DDX60: variants seen among roughly 807,000 people sequenced by gnomAD.
DDX60 encodes probable ATP-dependent RNA helicase DDX60.
A neutral mutation model predicts 212.8 loss-of-function variants in DDX60; 165 were observed. The ratio of observed to expected loss-of-function variants is 0.78; its 90% CI spans 0.68 to 0.88. The LOEUF (loss-of-function observed/expected upper bound fraction) is 0.88. Among genes scored for constraint, DDX60 ranks in the 40% least tolerant of loss-of-function variants. The pLI is 0.00. For missense variants in DDX60, 1,905 were observed against 2,003.9 expected, an observed-to-expected ratio of 0.95 and a Z score of 0.94; for synonymous variants, 703 against 685.3, an observed-to-expected ratio of 1.03 and a Z score of -0.40.
chr4:168,240,007 T>G (rs1165962697), intron 30 of DDX60, among the ~76,000 whole-genome samples: 1 of 152,162 alleles, frequency 6.6e-6, no homozygotes, highest in Non-Finnish European at 1.5e-5. Context: ...ATAAAGGATA[T>G]TCAAAGAGGA....
chr4:168,236,091 A>G, intron 33 of DDX60, 161 bp downstream of exon 33: 1 of 586,950 alleles, frequency 1.7e-6, no homozygotes, highest in Non-Finnish European at 2.7e-6. Context: ...GGAGACATCA[A>G]TTACAGATTA....
intron 19 of DDX60, among the ~76,000 whole-genome samples, chr4:168,271,240 A>G (rs1278867237): frequency 2.0e-5 from 3 of 152,152 alleles, no homozygotes; most frequent in Non-Finnish European, 4.4e-5. Context: ...TGCCCCAATA[A>G]ATCGCTACAA....
chr4:168,275,886 G>A lies in DDX60; in HGVS notation c.2145+129C>T. ...TATTACTTCAAGATTGGGCAGTTGG[G>A]TTACTACTAATAATAGTATTTTCAG... On this transcript the variant is annotated intron_variant, in intron 15 of 37. Transcript: ENST00000393743. 5.0e-6 allele frequency: 4 copies of A among 792,358 alleles called. No homozygotes were observed. In the East Asian group the frequency reaches 8.6e-5, roughly 17 times the overall value. The allele number at this position is 792,358 out of a possible 1,614,324, so 49.1% of individuals were successfully genotyped here. A position where few individuals can be genotyped will look rare whatever the true frequency, so the allele number is the denominator to read the frequency against.
chr4:168,255,992 A>G (rs17053881), intron 25 of DDX60, 123 bp from the exon 26 acceptor site: 28,505 of 979,800 alleles, frequency 0.029, 2,244 homozygotes, highest in African/African-American at 0.21. Context: ...ACCTTTATAA[A>G]TGTTACCCAG....
chr4:168,225,332 T>C (rs1378536427), intron 34 of DDX60, among the ~76,000 whole-genome samples, 197 bp downstream of exon 34: 1 of 152,074 alleles, frequency 6.6e-6, no homozygotes, highest in Non-Finnish European at 1.5e-5. Context: ...GGTTATAAAT[T>C]GCCCTACTTA....
chr4:168,314,073 G>T (rs769561550), intron 1 of DDX60, among the ~76,000 whole-genome samples: 3 of 152,096 alleles, frequency 2.0e-5, no homozygotes, highest in African/African-American at 4.8e-5. Context: ...ATAGGACAGG[G>T]TATGCAAGAC....
Position 168,311,291 on chromosome 4 carries a change from T to G in DDX60, c.-32A>C. 6.2e-7 allele frequency: 1 copy of G among 1,612,198 alleles called. No individual in the cohort carries two copies. The highest frequency in any genetic ancestry group is 1.1e-5 in the South Asian group (1 of 90,866). On this transcript the variant is annotated 5_prime_UTR_variant, in exon 2 of 38. Transcript: ENST00000393743. Reference sequence around the variant, plus strand: ...TGCTGCCTGTGCCTCCAACCTGAACTGGCAAGTATTAAAGGTAGCAAATAC... The same window carrying G: ...TGCTGCCTGTGCCTCCAACCTGAACGGGCAAGTATTAAAGGTAGCAAATAC...
chr4:168,241,537 G>T (rs978439132), intron 30 of DDX60, among the ~76,000 whole-genome samples: 1 of 152,142 alleles, frequency 6.6e-6, no homozygotes, highest in Non-Finnish European at 1.5e-5. Context: ...GGTGACTTTC[G>T]TTATGTTTTA....
Position 168,306,330 on chromosome 4 carries a change from G to C in DDX60, c.606+49C>G. ...AGAAAAAACTGAGTCAAGTAACTTA[G>C]AACATTTTGAAAATTTCTAGAAGAA... On this transcript the variant is annotated intron_variant, in intron 5 of 37. Coordinates refer to ENST00000393743, the MANE Select transcript of DDX60 (RefSeq NM_017631.6). 2.8e-6 allele frequency: 4 copies of C among 1,446,552 alleles called. No individual in the cohort carries two copies. In the South Asian group the frequency reaches 4.1e-5, roughly 15 times the overall value. The allele number at this position is 1,446,552 out of a possible 1,614,324, so 89.6% of individuals were successfully genotyped here. A position where few individuals can be genotyped will look rare whatever the true frequency, so the allele number is the denominator to read the frequency against.
chr4:168,231,338 C>A (rs1302103146), intron 33 of DDX60, among the ~76,000 whole-genome samples: 3 of 151,926 alleles, frequency 2.0e-5, no homozygotes, highest in Middle Eastern at 6.8e-3. Context: ...AAGAGGGAAT[C>A]CTCCCTAAAT....
At chr4:168,311,095 G>T in intron 2 of DDX60, 28 bp from the exon 3 acceptor site, 2 of 1,465,992 alleles carry the variant, frequency 1.4e-6, no homozygotes, top group East Asian at 2.3e-5. Context: ...GAGAGAAAGA[G>T]AATGGGTTAT....
chr4:168,254,429 G>T (rs1318439597), intron 26 of DDX60, among the ~76,000 whole-genome samples: 1 of 152,190 alleles, frequency 6.6e-6, no homozygotes, highest in Non-Finnish European at 1.5e-5. Flanking sequence ...AGGATCAGCA[G>T]CAAATTCTAG....
At chr4:168,276,344 C>T (rs1274551728) in intron 14 of DDX60, among the ~76,000 whole-genome samples, 163 bp from the exon 15 acceptor site, 2 of 152,096 alleles carry the variant, frequency 1.3e-5, no homozygotes, top group African/African-American at 4.8e-5. Context: ...TTCCACTATC[C>T]ACACTTCATC....
At chr4:168,268,828 T>C (rs758008648) in intron 20 of DDX60, 26 bp downstream of exon 20, 1 of 1,257,014 alleles carries the variant, frequency 8.0e-7, no homozygotes, top group South Asian at 1.4e-5. Flanking sequence ...ATAAACACTC[T>C]GTCCAAATTG....
Position 168,312,498 on chromosome 4 carries a change from A to C in DDX60, c.-106-1133T>G, listed in dbSNP as rs72981364. ...CTAAAAACCCACATTTGAAGATACT[A>C]ATACTTAATATATCAAGAGAGGAGG... is the stretch of plus-strand genomic sequence containing the variant. On this transcript the variant is annotated intron_variant, in intron 1 of 37. Coordinates refer to ENST00000393743, the MANE Select transcript of DDX60 (RefSeq NM_017631.6). Among the ~76,000 whole-genome samples the C allele has an allele frequency of 9.6e-3, 1,465 of 152,264 alleles. 13 individuals are homozygous for C. The highest frequency in any genetic ancestry group is 0.034 in the African/African-American group (1,397 of 41,546).
rs762142254 is a variant in DDX60, at chr4:168,306,395, TG to T, written c.589del (p.Gln197ArgfsTer30). ...GTGAATTACCTTCCAGGAAAAAATC[TG>T]GTGTCTGTACATGCTTGGAAGAAGG... ...AYLLPSMYRHQIFSWKNKQNI... is the reference protein window; with the variant it reads ...AYLLPSMYRHXIFSWKNKQNI... On this transcript the variant is annotated frameshift_variant, in exon 5 of 38. Transcript: ENST00000393743. LOFTEE classifies it high-confidence loss of function. 3.8e-6 allele frequency: 6 copies of T among 1,592,514 alleles called. No homozygotes were observed. Among genetic ancestry groups the T allele is most frequent in the Non-Finnish European group, 5.1e-6 (6 of 1,168,112 alleles).
At chr4:168,282,251 T>C (rs1735625268) in intron 13 of DDX60, among the ~76,000 whole-genome samples, 1 of 152,114 alleles carries the variant, frequency 6.6e-6, no homozygotes, top group South Asian at 2.1e-4. Context: ...ACAGAACATG[T>C]GAGAACCTTT....
intron 14 of DDX60, among the ~76,000 whole-genome samples, chr4:168,278,784 C>T (rs1461396773): frequency 6.6e-6 from 1 of 152,164 alleles, no homozygotes; most frequent in Non-Finnish European, 1.5e-5. Flanking sequence ...AGCAAGATCA[C>T]ACCACTGCAC....
chr4:168,218,120 C>T (rs961982461), intron 37 of DDX60, among the ~76,000 whole-genome samples: 1 of 152,076 alleles, frequency 6.6e-6, no homozygotes, highest in Non-Finnish European at 1.5e-5. Flanking sequence ...ACCTTGTTTC[C>T]ACTAGAGTTC....
Sources: gnomAD v4.1 joint callset for allele counts (sites outside exome capture counted in the v4.1 genomes callset) on GRCh38, gnomAD v4.1.1 for gene constraint, MANE v1.5 for transcripts, NCBI Gene and HGNC (gene_info 2026-07-23, HGNC 2026-07-21) for gene names.